QRFPR: variants seen among roughly 807,000 people sequenced by gnomAD.
QRFPR encodes the protein pyroglutamylated RF-amide peptide receptor.
In QRFPR, 37 loss-of-function variants were observed where a neutral mutation model predicts 31.3. The ratio of observed to expected loss-of-function variants is 1.18; its 90% CI spans 0.91 to 1.56. The LOEUF (loss-of-function observed/expected upper bound fraction) is 1.56. QRFPR is among the 40% of genes most tolerant of loss of function. The pLI, the probability that QRFPR is intolerant of heterozygous loss-of-function variation, is 0.00. For missense variants in QRFPR, 542 were observed against 532.5 expected (o/e 1.02, Z -0.18); for synonymous variants, 197 against 192.0 (o/e 1.03, Z -0.22).
rs559860441 is a variant in QRFPR, at chr4:121,374,381, G to A, written c.340+5927C>T. ...GGTAGGCACTATACTTTTTTAAAAA[G>A]TGTTTACATCTATTATTTCTTTTAA... On this transcript the variant is annotated intron_variant, in intron 1 of 5. Coordinates refer to ENST00000394427, the MANE Select transcript of QRFPR (RefSeq NM_198179.3). Among the ~76,000 whole-genome samples the A allele has an allele frequency of 2.8e-4, 42 of 152,254 alleles. No homozygotes were observed. The South Asian group carries it at 7.5e-3, about 27-fold the overall frequency.
chr4:121,363,892 A>C (rs1254368985), intron 1 of QRFPR, among the ~76,000 whole-genome samples: 1 of 148,564 alleles, frequency 6.7e-6, no homozygotes, highest in Non-Finnish European at 1.5e-5. Flanking sequence ...ACTGAATTGA[A>C]GGAGAAAGAG....
At chr4:121,336,890 G>C (rs368910064) in intron 2 of QRFPR, 22 bp from the exon 3 acceptor site, 1 of 1,603,508 alleles carries the variant, frequency 6.2e-7, no homozygotes, top group Non-Finnish European at 8.5e-7. Flanking sequence ...TTAAAGTCAT[G>C]AGAGTATGAC....
At position 121,340,660 on chromosome 4, in the gene QRFPR, G is replaced by T. The variant is rs777746558; in HGVS notation, c.341-50C>A. 2.9e-5 allele frequency: 45 copies of T among 1,547,124 alleles called. No homozygotes were observed. The Admixed American group carries it at 6.8e-4, about 23-fold the overall frequency. On this transcript the variant is annotated intron_variant, in intron 1 of 5. Transcript: ENST00000394427. ...CATACATCAAAACAAAAAGAATAAA[G>T]GTTTCATCTGTGTCTTTGTAATTAT...
chr4:121,332,587 T>G (rs1159762802), intron 4 of QRFPR, among the ~76,000 whole-genome samples: 1 of 152,182 alleles, frequency 6.6e-6, no homozygotes, highest in Non-Finnish European at 1.5e-5. Context: ...AAATTCCAAG[T>G]CAGTTTCTAC....
intron 1 of QRFPR, chr4:121,370,438 G>A (rs1469810630): frequency 1.4e-5 from 8 of 590,540 alleles, no homozygotes; most frequent in East Asian, 1.1e-4. Flanking sequence ...GGATGTTAAT[G>A]AGGAACATGG....
intron 1 of QRFPR, chr4:121,369,938 C>T: frequency 3.9e-6 from 3 of 767,544 alleles, no homozygotes; most frequent in Non-Finnish European, 7.2e-6. Flanking sequence ...AGTGGTGACA[C>T]CCTTGTGGGT....
At position 121,329,238 on chromosome 4, in the gene QRFPR, A is replaced by T; in HGVS notation, c.*76T>A. On this transcript the variant is annotated 3_prime_UTR_variant, in exon 6 of 6. Transcript: ENST00000394427. The stretch of plus-strand genomic sequence containing the variant: ...TCATCATCTTAAGAATAAAAAGAGT[A>T]TTTGACCTTTGCTCAAAATAATTTT... The T allele has an allele frequency of 8.8e-7, 1 of 1,139,978 alleles. No homozygotes were observed. The highest frequency in any genetic ancestry group is 1.6e-5 in the South Asian group (1 of 62,568). The allele number at this position is 1,139,978 out of a possible 1,614,324, so 70.6% of individuals were successfully genotyped here.
At chr4:121,331,148 A>G (rs1466418676) in intron 4 of QRFPR, among the ~76,000 whole-genome samples, 2 of 150,584 alleles carry the variant, frequency 1.3e-5, no homozygotes, top group Non-Finnish European at 3.0e-5. Flanking sequence ...ATATAATTTA[A>G]ATGGATATCT....
At position 121,337,303 on chromosome 4, in the gene QRFPR, A is replaced by G. The variant is rs1284673213; in HGVS notation, c.500-435T>C. Reference sequence around the variant, plus strand: ...ATCCCCAGTGTCTATCTGTGGACTCATTTTCCAGGACTTGACTCAGAAATC... The same window carrying G: ...ATCCCCAGTGTCTATCTGTGGACTCGTTTTCCAGGACTTGACTCAGAAATC... On this transcript the variant is annotated intron_variant, in intron 2 of 5. Coordinates refer to ENST00000394427, the MANE Select transcript of QRFPR (RefSeq NM_198179.3). Among the ~76,000 whole-genome samples, 10 of 152,138 alleles carry G rather than the reference A, an allele frequency of 6.6e-5. 1 individual carries two copies. Among genetic ancestry groups the G allele is most frequent in the Admixed American group, 6.5e-4 (10 of 15,268 alleles).
Position 121,380,361 on chromosome 4 carries a change from A to G in QRFPR, c.287T>C (p.Phe96Ser), listed in dbSNP as rs370870196. The G allele has an allele frequency of 6.8e-6, 11 of 1,614,180 alleles. No homozygotes were observed. Among genetic ancestry groups the G allele is most frequent in the Non-Finnish European group, 9.3e-6 (11 of 1,180,022 alleles). Residue 96 changes from phenylalanine to serine, a missense_variant, in exon 1 of 6, where the codon TTC becomes TCC. Transcript: ENST00000394427. ...SLALSDLLIT[F>S]FCIPVTMLQN... ...GAGCATGGTGACGGGAATGCAGAAGAAGGTGATGAGCAGGTCACTGAGCGC... is the reference window on the plus strand; with the variant it reads ...GAGCATGGTGACGGGAATGCAGAAGGAGGTGATGAGCAGGTCACTGAGCGC...
intron 3 of QRFPR, chr4:121,334,684 TA>T: frequency 3.0e-6 from 1 of 330,670 alleles, no homozygotes; most frequent in Non-Finnish European, 6.0e-6. Flanking sequence ...TTTCATACAG[TA>T]AGGAGGCAGG....
At chr4:121,341,025 A>C (rs1264668251) in intron 1 of QRFPR, among the ~76,000 whole-genome samples, 1 of 151,458 alleles carries the variant, frequency 6.6e-6, no homozygotes, top group Non-Finnish European at 1.5e-5. Flanking sequence ...CTCATCAAAG[A>C]CTCCCATATT....
Position 121,380,546 on chromosome 4 carries a change from G to A in QRFPR, c.102C>T (p.Leu34=), listed in dbSNP as rs1488374796. 1.2e-6 allele frequency: 2 copies of A among 1,606,784 alleles called. No homozygotes were observed. Among genetic ancestry groups the A allele is most frequent in the Admixed American group, 1.7e-5 (1 of 59,370 alleles). ...GTCCCGGCAGCTCTGGGGTGTAGAC[G>A]AGCGGTCGCAGCCGGTACAGAGCGA... ...QFIALYRLRP[L]VYTPELPGRA... is the part of the protein sequence containing the mutation. The change falls in exon 1 of 6, where the codon CTC becomes CTT. Residue 34 remains leucine (L), a synonymous_variant. Coordinates refer to ENST00000394427, the MANE Select transcript of QRFPR (RefSeq NM_198179.3).
chr4:121,380,557 G>C lies in QRFPR; in HGVS notation c.91C>G (p.Leu31Val). 1 of 1,608,778 alleles carries C rather than the reference G, an allele frequency of 6.2e-7. No homozygotes were observed. The highest frequency in any genetic ancestry group is 2.2e-5 in the East Asian group (1 of 44,540). ...TREQFIALYR[L>V]RPLVYTPELP... ...TCTGGGGTGTAGACGAGCGGTCGCA[G>C]CCGGTACAGAGCGATGAACTGCTCC... The change falls in exon 1 of 6, where the codon CTG (leucine) becomes GTG (valine). Residue 31 changes from leucine (L) to valine (V), a missense_variant. By Grantham distance (32) the Leu-to-Val change is conservative (BLOSUM62 1). Coordinates refer to ENST00000394427, the MANE Select transcript of QRFPR (RefSeq NM_198179.3).
intron 1 of QRFPR, among the ~76,000 whole-genome samples, chr4:121,372,281 G>A (rs975385812): frequency 1.3e-4 from 20 of 152,122 alleles, no homozygotes; most frequent in African/African-American, 4.6e-4. Context: ...TGAGGTGCGT[G>A]ATTAGTTCTA....
At chr4:121,334,635 A>G (rs1425258535) in intron 3 of QRFPR, 3 of 397,648 alleles carry the variant, frequency 7.5e-6, no homozygotes, top group Admixed American at 5.5e-5. Context: ...AGAGAAAAAA[A>G]GGTATTTGAC....
At chr4:121,354,618 T>G (rs1725831355) in intron 1 of QRFPR, among the ~76,000 whole-genome samples, 1 of 152,036 alleles carries the variant, frequency 6.6e-6, no homozygotes, top group Non-Finnish European at 1.5e-5. Flanking sequence ...AATGAGCATC[T>G]TTTTCTTGTT....
At chr4:121,371,655 G>C (rs555431843) in intron 1 of QRFPR, among the ~76,000 whole-genome samples, 1 of 152,310 alleles carries the variant, frequency 6.6e-6, no homozygotes, top group South Asian at 2.1e-4. Flanking sequence ...TGGCCTTATG[G>C]GAAGACATAT....
intron 4 of QRFPR, among the ~76,000 whole-genome samples, chr4:121,331,859 G>C (rs1725333858): frequency 6.6e-6 from 1 of 151,964 alleles, no homozygotes; most frequent in South Asian, 2.1e-4. Context: ...CACCATGTCG[G>C]TCAGGCTGGT....
Sources: gnomAD v4.1 joint callset for allele counts (sites outside exome capture counted in the v4.1 genomes callset) on GRCh38, gnomAD v4.1.1 for gene constraint, MANE v1.5 for transcripts, NCBI Gene and HGNC (gene_info 2026-07-23, HGNC 2026-07-21) for gene names.